The following PLCB4 variants were observed in gnomAD, a reference collection of about 807,000 sequenced individuals.
The protein encoded by PLCB4 is 1-phosphatidylinositol 4,5-bisphosphate phosphodiesterase beta-4.
A neutral mutation model predicts 178.8 loss-of-function variants in PLCB4; 77 were observed. The ratio of observed to expected loss-of-function variants is 0.43; its 90% CI spans 0.36 to 0.52. The LOEUF is 0.52. PLCB4 is among the 20% of genes least tolerant of loss of function. The pLI is 0.00. For synonymous variants in PLCB4, 496 were observed against 490.8 expected (o/e 1.01, Z -0.14); for missense variants, 1,024 against 1,453.4 (o/e 0.70, Z 4.80).
intron 2 of PLCB4, among the ~76,000 whole-genome samples, chr20:9,202,849 A>G (rs557972033): frequency 1.3e-5 from 2 of 152,152 alleles, no homozygotes; most frequent in African/African-American, 2.4e-5. Flanking sequence ...CTTGTTTTCA[A>G]TATGGTACCT....
At chr20:9,174,051 A>C (rs6056444) in intron 2 of PLCB4, among the ~76,000 whole-genome samples, 467 of 152,284 alleles carry the variant, frequency 3.1e-3, no homozygotes, top group African/African-American at 8.5e-3. Flanking sequence ...TTTAAATGCT[A>C]TATTAAATAA....
intron 2 of PLCB4, among the ~76,000 whole-genome samples, chr20:9,119,520 A>G (rs555827917): frequency 5.4e-5 from 8 of 149,494 alleles, no homozygotes; most frequent in African/African-American, 2.0e-4. Context: ...AGAAAGGAGA[A>G]AAAAAAAAAA....
At chr20:9,305,897 A>G (rs995976946) in intron 3 of PLCB4, among the ~76,000 whole-genome samples, 1 of 152,112 alleles carries the variant, frequency 6.6e-6, no homozygotes, top group Non-Finnish European at 1.5e-5. Context: ...CTCTTCCTGC[A>G]TCTTTGAGAG....
rs1463736523 is a variant in PLCB4 at position 9,468,631 on chromosome 20, C to A, written c.3309C>A (p.Ile1103=). The change falls in exon 36 of 40, where the codon ATC becomes ATA. Residue 1103 remains isoleucine, a synonymous_variant. Transcript: ENST00000378473. ...AKISMENSKA[I]SQDKSIKNKA... ...TTTCTATGGAAAATAGCAAAGCCAT[C>A]AGCCAAGATAAATCTATCAAGAATA... The A allele has an allele frequency of 1.2e-6, 2 of 1,611,118 alleles. No individual in the cohort carries two copies. The highest frequency in any genetic ancestry group is 1.7e-6 in the Non-Finnish European group (2 of 1,177,542).
chr20:9,169,809 T>C (rs1254945449), intron 2 of PLCB4, among the ~76,000 whole-genome samples: 2 of 152,146 alleles, frequency 1.3e-5, no homozygotes, highest in African/African-American at 4.8e-5. Context: ...TGAACAGCTG[T>C]GTATTCACCT....
intron 3 of PLCB4, among the ~76,000 whole-genome samples, chr20:9,220,246 C>A (rs1296201278): frequency 6.6e-6 from 1 of 152,178 alleles, no homozygotes; most frequent in African/African-American, 2.4e-5. Context: ...TTGATAACTT[C>A]TCTCCTGTGG....
intron 7 of PLCB4, among the ~76,000 whole-genome samples, chr20:9,340,260 C>T (rs540719595): frequency 6.6e-6 from 1 of 152,240 alleles, no homozygotes; most frequent in Admixed American, 6.5e-5. Flanking sequence ...GAATTGAGTT[C>T]TGTTGACCCC....
intron 2 of PLCB4, among the ~76,000 whole-genome samples, chr20:9,126,323 TAGC>T (rs1344762613): frequency 6.6e-6 from 1 of 152,176 alleles, no homozygotes; most frequent in African/African-American, 2.4e-5. Flanking sequence ...AAATTCCTAG[TAGC>T]AGAAGTACTG....
At chr20:9,275,652 G>A (rs1168520869) in intron 3 of PLCB4, among the ~76,000 whole-genome samples, 1 of 151,982 alleles carries the variant, frequency 6.6e-6, no homozygotes, top group Non-Finnish European at 1.5e-5. Flanking sequence ...AGCAATTCCA[G>A]AAATGAAGAT....
At chr20:9,187,197 A>G (rs1156600155) in intron 2 of PLCB4, among the ~76,000 whole-genome samples, 1 of 150,994 alleles carries the variant, frequency 6.6e-6, no homozygotes, top group African/African-American at 2.4e-5. Context: ...CTGGTCTCAA[A>G]CTCCTGACCT....
At chr20:9,461,661 C>T (rs1344394045) in intron 35 of PLCB4, among the ~76,000 whole-genome samples, 1 of 152,252 alleles carries the variant, frequency 6.6e-6, no homozygotes, top group African/African-American at 2.4e-5. Flanking sequence ...ACTGCTAGTG[C>T]AGCAGTCAGA....
At position 9,395,539 on chromosome 20, in the gene PLCB4, G is replaced by T; in HGVS notation, c.1431G>T (p.Leu477Phe). ...PEVEKKQLEA[L>F]RSMMEAGESA... is the part of the protein sequence containing the mutation. ...TGCTAACAGAACAGCTGGAAGCTTTGAGAAGCATGATGGAAGCTGGAGAAT... is the reference window on the plus strand; with the variant it reads ...TGCTAACAGAACAGCTGGAAGCTTTTAGAAGCATGATGGAAGCTGGAGAAT... The change falls in exon 19 of 40, where the codon TTG (leucine) becomes TTT (phenylalanine). Residue 477 changes from leucine (L) to phenylalanine (F), a missense_variant. Physicochemically the swap from Leu to Phe is conservative, Grantham distance 22. Around this residue, in one of 7 missense-constraint regions of PLCB4, gnomAD observed 263 missense variants for 417.4 expected, o/e 0.63. Transcript: ENST00000378473. 1.2e-6 allele frequency: 2 copies of T among 1,613,602 alleles called. No individual in the cohort carries two copies. Among genetic ancestry groups the T allele is most frequent in the Non-Finnish European group, 8.5e-7 (1 of 1,179,590 alleles).
chr20:9,204,338 A>G (rs529523031), intron 2 of PLCB4, among the ~76,000 whole-genome samples: 1 of 151,860 alleles, frequency 6.6e-6, no homozygotes, highest in Non-Finnish European at 1.5e-5. Flanking sequence ...GAAATTTTCC[A>G]GTCACTATCC....
intron 28 of PLCB4, among the ~76,000 whole-genome samples, chr20:9,433,567 G>A (rs1004801591): frequency 3.3e-5 from 5 of 151,926 alleles, no homozygotes; most frequent in African/African-American, 1.2e-4. Context: ...TCAATAGAGA[G>A]GAAAGAGAAA....
intron 2 of PLCB4, among the ~76,000 whole-genome samples, chr20:9,200,783 G>T (rs1345559465): frequency 6.6e-6 from 1 of 151,954 alleles, no homozygotes; most frequent in African/African-American, 2.4e-5. Flanking sequence ...CTTCTCTCAG[G>T]TCTTTGCTCA....
chr20:9,441,030 T>C (rs2042072329), intron 30 of PLCB4, among the ~76,000 whole-genome samples: 1 of 152,090 alleles, frequency 6.6e-6, no homozygotes, highest in Non-Finnish European at 1.5e-5. Flanking sequence ...GAGATGAAGA[T>C]TTCTAGAATG....
chr20:9,200,299 A>G (rs2093526519), intron 2 of PLCB4, among the ~76,000 whole-genome samples: 1 of 152,186 alleles, frequency 6.6e-6, no homozygotes, highest in African/African-American at 2.4e-5. Context: ...AATGCAATCC[A>G]TCAACCAATG....
intron 2 of PLCB4, among the ~76,000 whole-genome samples, chr20:9,099,328 G>T (rs891593931): frequency 4.6e-5 from 7 of 152,060 alleles, no homozygotes; most frequent in Non-Finnish European, 8.8e-5. Flanking sequence ...ATTAGATTAG[G>T]TTACTAGGGG....
chr20:9,123,606 C>G (rs902059379), intron 2 of PLCB4, among the ~76,000 whole-genome samples: 14 of 151,892 alleles, frequency 9.2e-5, no homozygotes, highest in Non-Finnish European at 1.5e-4. Flanking sequence ...TCCACCTTCT[C>G]TCTTCATTTT....
Sources: gnomAD v4.1 joint callset for allele counts (sites outside exome capture counted in the v4.1 genomes callset) on GRCh38, gnomAD v4.1.1 for gene constraint, gnomAD v4.1.1 regional missense constraint, MANE v1.5 for transcripts, NCBI Gene and HGNC (gene_info 2026-07-23, HGNC 2026-07-21) for gene names.